Variants in GPC5 observed in about 807,000 individuals in gnomAD.
The protein encoded by GPC5 is glypican 5, also known as glypican-5.
In GPC5, 47 loss-of-function variants were observed where a neutral mutation model predicts 53.9. The observed-to-expected ratio is 0.87, with a 90% CI of 0.69 to 1.11. The LOEUF is 1.11. Ranked by LOEUF, GPC5 falls within the 50% of genes most tolerant of loss-of-function variation. The pLI, the probability that GPC5 is intolerant of heterozygous loss-of-function variation, is 0.00. For missense variants in GPC5, 748 were observed against 713.1 expected (o/e 1.05, Z -0.56); for synonymous variants, 286 against 263.3 (o/e 1.09, Z -0.84).
intron 7 of GPC5, among the ~76,000 whole-genome samples, chr13:92,826,428 G>A (rs1877849213): frequency 6.6e-6 from 1 of 152,096 alleles, no homozygotes; most frequent in South Asian, 2.1e-4. Context: ...TAAGACCACA[G>A]CCCCAGACAA....
intron 2 of GPC5, among the ~76,000 whole-genome samples, chr13:91,537,749 A>G (rs1383869984): frequency 1.3e-5 from 2 of 152,226 alleles, no homozygotes; most frequent in African/African-American, 2.4e-5. Flanking sequence ...TCTCTTAGTA[A>G]ATATAGATGC....
chr13:92,273,267 T>G (rs1250117291), intron 7 of GPC5, among the ~76,000 whole-genome samples: 2 of 152,080 alleles, frequency 1.3e-5, no homozygotes, highest in Non-Finnish European at 2.9e-5. Flanking sequence ...AACTATCTAT[T>G]GAATTAATCA....
chr13:92,564,484 T>A (rs1882802113), intron 7 of GPC5, among the ~76,000 whole-genome samples: 1 of 152,094 alleles, frequency 6.6e-6, no homozygotes, highest in Non-Finnish European at 1.5e-5. Context: ...TTTTTCCTGC[T>A]TCATTTTATT....
chr13:92,094,937 A>G (rs1350218568), intron 6 of GPC5, among the ~76,000 whole-genome samples: 2 of 151,306 alleles, frequency 1.3e-5, no homozygotes, highest in East Asian at 1.9e-4. Flanking sequence ...TGTCCTTTTT[A>G]TTCCATATTC....
intron 7 of GPC5, among the ~76,000 whole-genome samples, chr13:92,713,364 G>A (rs546005270): frequency 4.0e-4 from 60 of 151,362 alleles, no homozygotes; most frequent in African/African-American, 9.9e-4. Flanking sequence ...AGGCTGAGGC[G>A]GGTGGATCAC....
At chr13:91,895,397 T>C (rs1010043059) in intron 5 of GPC5, among the ~76,000 whole-genome samples, 1 of 152,214 alleles carries the variant, frequency 6.6e-6, no homozygotes, top group African/African-American at 2.4e-5. Context: ...TGAGGAAGAC[T>C]ATGTAATTGT....
At chr13:92,193,161 C>T (rs1285238892) in intron 7 of GPC5, among the ~76,000 whole-genome samples, 5 of 134,860 alleles carry the variant, frequency 3.7e-5, no homozygotes, top group East Asian at 4.6e-4. Context: ...GGCGACAGAG[C>T]GAGACTCTGT....
intron 2 of GPC5, among the ~76,000 whole-genome samples, chr13:91,606,909 C>T (rs966044842): frequency 2.1e-4 from 31 of 151,192 alleles, no homozygotes; most frequent in Non-Finnish European, 4.6e-4. Context: ...AAAACCAGCT[C>T]CTGGATTCAT....
intron 7 of GPC5, among the ~76,000 whole-genome samples, chr13:92,243,165 A>G (rs2042626127): frequency 6.6e-6 from 1 of 152,174 alleles, no homozygotes; most frequent in Admixed American, 6.6e-5. Context: ...CAAATAATTC[A>G]TTTTAATTTC....
intron 4 of GPC5, among the ~76,000 whole-genome samples, chr13:91,751,627 A>C (rs73609123): frequency 0.025 from 3,839 of 152,044 alleles, 154 homozygotes; most frequent in African/African-American, 0.087. Flanking sequence ...ATTTTTTCAA[A>C]CCCCAAACAA....
chr13:92,419,988 T>C (rs905050779), intron 7 of GPC5, among the ~76,000 whole-genome samples: 3 of 152,176 alleles, frequency 2.0e-5, no homozygotes, highest in Non-Finnish European at 2.9e-5. Flanking sequence ...GTTATTCTTT[T>C]TGACCTCTCC....
At chr13:92,728,035 T>C (rs1888690847) in intron 7 of GPC5, among the ~76,000 whole-genome samples, 1 of 151,462 alleles carries the variant, frequency 6.6e-6, no homozygotes, top group African/African-American at 2.4e-5. Flanking sequence ...AACTTAACTC[T>C]TTGGACTATG....
chr13:92,644,402 G>A (rs1885697779), intron 7 of GPC5, among the ~76,000 whole-genome samples: 1 of 152,156 alleles, frequency 6.6e-6, no homozygotes, highest in Non-Finnish European at 1.5e-5. Context: ...ACAAATTAGA[G>A]TATATTTGCC....
chr13:91,906,013 T>G (rs1458947369), intron 5 of GPC5, among the ~76,000 whole-genome samples: 2 of 152,004 alleles, frequency 1.3e-5, no homozygotes, highest in Non-Finnish European at 2.9e-5. Context: ...GTACCAAACA[T>G]GTAGTTTCTT....
chr13:92,172,032 C>A (rs2042074077), intron 7 of GPC5, among the ~76,000 whole-genome samples: 1 of 152,178 alleles, frequency 6.6e-6, no homozygotes, highest in African/African-American at 2.4e-5. Flanking sequence ...TTGTTTGTAC[C>A]TACAATAGAT....
At chr13:92,057,799 A>T (rs2041088222) in intron 6 of GPC5, among the ~76,000 whole-genome samples, 1 of 152,182 alleles carries the variant, frequency 6.6e-6, no homozygotes, top group African/African-American at 2.4e-5. Context: ...TTGAAGACTT[A>T]CAGCTCCCAA....
chr13:92,086,268 A>T (rs2041335374), intron 6 of GPC5, among the ~76,000 whole-genome samples: 1 of 152,140 alleles, frequency 6.6e-6, no homozygotes, highest in Non-Finnish European at 1.5e-5. Flanking sequence ...TTCCAGGAGG[A>T]CACATCTTCA....
intron 6 of GPC5, among the ~76,000 whole-genome samples, chr13:92,059,274 T>C (rs1594747687): frequency 1.3e-5 from 2 of 151,256 alleles, no homozygotes; most frequent in East Asian, 1.9e-4. Context: ...ACCCATTATA[T>C]AGAAGTAACA....
At chr13:92,223,126 T>TA (rs149522354) in intron 7 of GPC5, among the ~76,000 whole-genome samples, 3 of 152,216 alleles carry the variant, frequency 2.0e-5, no homozygotes, top group South Asian at 4.1e-4. Context: ...TTGCTGAACC[T>TA]AAAAAAATGA....
Sources: allele counts gnomAD v4.1 joint callset (sites outside exome capture counted in the v4.1 genomes callset), GRCh38; gene constraint gnomAD v4.1.1; transcripts MANE v1.5; gene names NCBI Gene and HGNC (gene_info 2026-07-23, HGNC 2026-07-21).